The following PRIMPOL variants were observed in gnomAD, a reference collection of about 807,000 sequenced individuals.
PRIMPOL encodes primase and DNA directed polymerase.
In PRIMPOL, 54 loss-of-function variants were observed where a neutral mutation model predicts 63.6. That is an observed-to-expected ratio of 0.85 (90% CI 0.68 to 1.07). The LOEUF (loss-of-function observed/expected upper bound fraction) is 1.07. Among genes scored for constraint, PRIMPOL ranks in the 50% least tolerant of loss-of-function variants. The probability of loss-of-function intolerance (pLI) is 0.00; values close to 1 mark genes in which losing one functional copy is unlikely to be tolerated. For missense variants in PRIMPOL, 610 were observed against 648.3 expected (o/e 0.94, Z 0.64); for synonymous variants, 197 against 220.2 (o/e 0.89, Z 0.93).
At chr4:184,662,116 C>T (rs1748521487) in intron 5 of PRIMPOL, among the ~76,000 whole-genome samples, 1 of 151,982 alleles carries the variant, frequency 6.6e-6, no homozygotes, top group African/African-American at 2.4e-5. Context: ...TGCAATTTTG[C>T]TGTCTGGTAA....
intron 11 of PRIMPOL, among the ~76,000 whole-genome samples, chr4:184,688,555 G>A (rs1203976308): frequency 2.0e-5 from 3 of 152,154 alleles, no homozygotes; most frequent in Non-Finnish European, 4.4e-5. Flanking sequence ...CATCTGGCCC[G>A]GCTCCCCTGG....
chr4:184,656,723 AT>A (rs1168107102), intron 2 of PRIMPOL, among the ~76,000 whole-genome samples: 1 of 152,244 alleles, frequency 6.6e-6, no homozygotes, highest in Non-Finnish European at 1.5e-5. Context: ...AACCACAGTG[AT>A]ACAAAAAGCA....
Position 184,661,843 on chromosome 4 carries a change from A to G in PRIMPOL, c.348A>G (p.Glu116=). The change falls in exon 5 of 14, where the codon GAA becomes GAG. Residue 116 remains glutamate, a synonymous_variant. Coordinates refer to ENST00000314970, the MANE Select transcript of PRIMPOL (RefSeq NM_152683.4). ...TGTGCAAGCTTTATTTTGATTTGGAATTTAACAAACCTGCCAACCCAGGAG... is the reference window on the plus strand; with the variant it reads ...TGTGCAAGCTTTATTTTGATTTGGAGTTTAACAAACCTGCCAACCCAGGAG... ...NAVCKLYFDL[E]FNKPANPGAD... is the part of the protein sequence containing the mutation. The G allele has an allele frequency of 6.2e-7, 1 of 1,613,928 alleles. No individual in the cohort carries two copies. The highest frequency in any genetic ancestry group is 8.5e-7 in the Non-Finnish European group (1 of 1,179,856).
At chr4:184,672,638 T>C (rs773493472) in intron 7 of PRIMPOL, among the ~76,000 whole-genome samples, 178 bp downstream of exon 7, 16 of 152,102 alleles carry the variant, frequency 1.1e-4, no homozygotes, top group Non-Finnish European at 2.4e-4. Context: ...TCCAGAGATC[T>C]TAGAGGGGTC....
intron 6 of PRIMPOL, among the ~76,000 whole-genome samples, chr4:184,670,545 A>T (rs1228768998): frequency 1.9e-3 from 264 of 136,670 alleles, no homozygotes; most frequent in Admixed American, 3.1e-3. Flanking sequence ...TAGGAAAGTA[A>T]TTTTTTTTTT....
At chr4:184,652,921 GAGAA>G in intron 2 of PRIMPOL, among the ~76,000 whole-genome samples, 5 of 6,844 alleles carry the variant, frequency 7.3e-4, no homozygotes, top group East Asian at 0.05. Flanking sequence ...GGAGGGAAGG[GAGAA>G]AGGAAGGAAG....
rs761035393 is a variant in PRIMPOL, at chr4:184,694,771, CAA to C, written c.1676_1677del (p.Gln559ArgfsTer7). 21 of 1,607,334 alleles carry C rather than the reference CAA, an allele frequency of 1.3e-5. No individual in the cohort carries two copies. Among genetic ancestry groups the C allele is most frequent in the Non-Finnish European group, 1.7e-5 (20 of 1,174,230 alleles). ...IPDELIIEVLQE is the reference protein window; with the variant it reads ...IPDELIIEVLXE ...TGATGAACTAATTATAGAAGTATTA[CAA>C]GAGTAACTAATTCACTATGAACACT... On this transcript the variant is annotated frameshift_variant, in exon 14 of 14. Coordinates refer to ENST00000314970, the MANE Select transcript of PRIMPOL (RefSeq NM_152683.4). LOFTEE classifies it high-confidence loss of function.
chr4:184,691,112 CCTT>C (rs1758399484), intron 11 of PRIMPOL, among the ~76,000 whole-genome samples: 1 of 149,844 alleles, frequency 6.7e-6, no homozygotes. Context: ...CCTTATTGGA[CCTT>C]TTTTGTGGTT....
intron 8 of PRIMPOL, 23 bp downstream of exon 8, chr4:184,678,417 C>A (rs2150125995): frequency 6.5e-7 from 1 of 1,543,772 alleles, no homozygotes; most frequent in Non-Finnish European, 8.8e-7. Context: ...AGCATCAAAC[C>A]ATTTTGTATT....
At chr4:184,691,453 A>T (rs1243395863) in intron 11 of PRIMPOL, 46 bp from the exon 12 acceptor site, 1 of 1,170,546 alleles carries the variant, frequency 8.5e-7, no homozygotes, top group Non-Finnish European at 1.2e-6. Flanking sequence ...TTTGTTTTCT[A>T]CCCAGTCTTG....
chr4:184,685,279 CT>C lies in PRIMPOL; in HGVS notation c.1097-129del, dbSNP rs143220173. On this transcript the variant is annotated intron_variant, in intron 9 of 13. Coordinates refer to ENST00000314970, the MANE Select transcript of PRIMPOL (RefSeq NM_152683.4). ...TTGTAGTGTCACAAACATGAATTGA[CT>C]GAAATTGCAAAGAGTGAGGGAAGGC... The C allele has an allele frequency of 1.6e-3, 1,076 of 660,144 alleles. 1 individual carries two copies. The highest frequency in any genetic ancestry group is 3.2e-3 in the Middle Eastern group (8 of 2,472). The allele number at this position is 660,144 out of a possible 1,614,324, so 40.9% of individuals were successfully genotyped here.
chr4:184,682,466 G>C, intron 9 of PRIMPOL, 130 bp downstream of exon 9: 2 of 547,114 alleles, frequency 3.7e-6, no homozygotes, highest in Non-Finnish European at 6.6e-6. Context: ...TCCTGCCTCA[G>C]CCTCCGGAGT....
In PRIMPOL at chr4:184,682,356, T is replaced by C; in HGVS notation, c.1096+20T>C. ...CTTCAGGTAAATTTTTTGATGTTTG[T>C]TTTTCTTTTTGAGACAGCATCTCTC... On this transcript the variant is annotated intron_variant, in intron 9 of 13. Transcript: ENST00000314970. The C allele has an allele frequency of 7.2e-7, 1 of 1,389,150 alleles. No individual in the cohort carries two copies. The highest frequency in any genetic ancestry group is 1.7e-5 in the Admixed American group (1 of 59,064). The allele number at this position is 1,389,150 out of a possible 1,614,324, so 86.1% of individuals were successfully genotyped here.
chr4:184,692,493 A>G (rs1469178898), intron 13 of PRIMPOL, among the ~76,000 whole-genome samples: 7 of 135,794 alleles, frequency 5.2e-5, no homozygotes, highest in Non-Finnish European at 9.6e-5. Flanking sequence ...AAAAAAAAAA[A>G]GAAAGAAAAT....
chr4:184,690,503 G>A (rs115011457), intron 11 of PRIMPOL, among the ~76,000 whole-genome samples: 1,738 of 151,824 alleles, frequency 0.011, 25 homozygotes, highest in Middle Eastern at 0.02. Flanking sequence ...ACTGTCACCC[G>A]GGCTGGAGAG....
intron 13 of PRIMPOL, among the ~76,000 whole-genome samples, chr4:184,692,471 C>CAAAAAAA (rs60321808): frequency 1.6e-4 from 12 of 73,830 alleles, no homozygotes; most frequent in Admixed American, 5.7e-4. Context: ...GACTCTGCCT[C>CAAAAAAA]AAAAAAAAAA....
intron 2 of PRIMPOL, among the ~76,000 whole-genome samples, chr4:184,654,199 A>G (rs1745549708): frequency 6.6e-6 from 1 of 152,256 alleles, no homozygotes; most frequent in Non-Finnish European, 1.5e-5. Flanking sequence ...GAATATCCAC[A>G]TAGTCATTTG....
chr4:184,679,815 C>T (rs955826221), intron 8 of PRIMPOL, among the ~76,000 whole-genome samples: 2 of 152,160 alleles, frequency 1.3e-5, no homozygotes, highest in African/African-American at 2.4e-5. Flanking sequence ...CTAGGTTGCA[C>T]ACTCCTTATG....
chr4:184,663,140 G>A (rs764622972), intron 5 of PRIMPOL, among the ~76,000 whole-genome samples: 37 of 151,498 alleles, frequency 2.4e-4, no homozygotes, highest in African/African-American at 8.5e-4. Flanking sequence ...TGCCTCCCAG[G>A]TTCAAGCAGT....
Sources: allele counts gnomAD v4.1 joint callset (sites outside exome capture counted in the v4.1 genomes callset), GRCh38; gene constraint gnomAD v4.1.1; transcripts MANE v1.5; gene names NCBI Gene and HGNC (gene_info 2026-07-23, HGNC 2026-07-21).